The following LRP1B variants were observed in gnomAD, a reference collection of about 807,000 sequenced individuals.
The protein encoded by LRP1B is LDL receptor related protein 1B, also known as low-density lipoprotein receptor-related protein 1B.
LRP1B carries 217 observed loss-of-function variants against 556.6 expected under a neutral mutation model. The ratio of observed to expected loss-of-function variants is 0.39; its 90% CI spans 0.35 to 0.44. LRP1B has a LOEUF of 0.44. Ranked by LOEUF, LRP1B falls within the 20% of genes least tolerant of loss-of-function variation. The probability of loss-of-function intolerance (pLI) is 1.00; values close to 1 mark genes in which losing one functional copy is unlikely to be tolerated. For synonymous variants in LRP1B, 2,047 were observed against 1,865.8 expected, an observed-to-expected ratio of 1.10 and a Z score of -2.50; for missense variants, 5,053 against 5,620.8, an observed-to-expected ratio of 0.90 and a Z score of 3.23.
chr2:140,865,401 T>C (rs559254987), intron 27 of LRP1B, among the ~76,000 whole-genome samples: 2 of 152,166 alleles, frequency 1.3e-5, no homozygotes, highest in Non-Finnish European at 2.9e-5. Flanking sequence ...CATCATGTTA[T>C]TATTCACCAG....
chr2:140,599,628 T>C (rs557802739), intron 42 of LRP1B, among the ~76,000 whole-genome samples: 6 of 152,250 alleles, frequency 3.9e-5, no homozygotes, highest in Admixed American at 3.3e-4. Flanking sequence ...TACTTATAAG[T>C]TGTGACATTT....
At chr2:142,110,959 A>T (rs1706966384) in intron 1 of LRP1B, among the ~76,000 whole-genome samples, 1 of 152,124 alleles carries the variant, frequency 6.6e-6, no homozygotes, top group African/African-American at 2.4e-5. Context: ...GCAACCCTGG[A>T]TTAGGGCACA....
intron 4 of LRP1B, among the ~76,000 whole-genome samples, chr2:141,250,770 G>A (rs1214913300): frequency 6.6e-6 from 1 of 152,004 alleles, no homozygotes; most frequent in East Asian, 1.9e-4. Flanking sequence ...TGTCAGAATT[G>A]GGTTGAATTG....
intron 1 of LRP1B, among the ~76,000 whole-genome samples, chr2:142,042,045 G>A (rs1559038912): frequency 6.6e-6 from 1 of 151,302 alleles, no homozygotes; most frequent in Non-Finnish European, 1.5e-5. Context: ...TGCCACAGAG[G>A]ATTTTGTATT....
chr2:140,251,544 C>A (rs1681415159), intron 86 of LRP1B, among the ~76,000 whole-genome samples: 1 of 151,764 alleles, frequency 6.6e-6, no homozygotes, highest in Non-Finnish European at 1.5e-5. Flanking sequence ...TTCTTCTGAC[C>A]ACAGTGAAAT....
At chr2:141,868,633 C>T (rs1308103875) in intron 1 of LRP1B, among the ~76,000 whole-genome samples, 3 of 152,058 alleles carry the variant, frequency 2.0e-5, no homozygotes, top group Non-Finnish European at 2.9e-5. Flanking sequence ...TCTGTTTTTG[C>T]TATTGAATGG....
At chr2:141,331,504 TTCTTTCTTTCTTTCTTTC>T (rs1308330441) in intron 3 of LRP1B, among the ~76,000 whole-genome samples, 4 of 55,838 alleles carry the variant, frequency 7.2e-5, no homozygotes, top group Admixed American at 1.4e-4. Flanking sequence ...CTTTCTTTCC[TTCTTTCTTTCTTTCTTTC>T]TCTTTCTTTC....
At chr2:141,440,868 CCACA>C (rs1035879532) in intron 3 of LRP1B, among the ~76,000 whole-genome samples, 3 of 152,152 alleles carry the variant, frequency 2.0e-5, no homozygotes, top group African/African-American at 7.2e-5. Context: ...CATCCCTCCA[CCACA>C]CACACGTGGC....
At chr2:141,317,135 G>A (rs913919747) in intron 3 of LRP1B, among the ~76,000 whole-genome samples, 3 of 152,164 alleles carry the variant, frequency 2.0e-5, no homozygotes, top group Non-Finnish European at 2.9e-5. Context: ...ACTAAGCACT[G>A]AGACATTGTA....
intron 27 of LRP1B, among the ~76,000 whole-genome samples, chr2:140,854,954 A>C (rs1468896123): frequency 6.6e-6 from 1 of 152,168 alleles, no homozygotes; most frequent in Non-Finnish European, 1.5e-5. Flanking sequence ...TGCTATAATA[A>C]ATCTTAACAG....
chr2:140,596,586 AG>A (rs1175289308), intron 43 of LRP1B, among the ~76,000 whole-genome samples: 2 of 152,228 alleles, frequency 1.3e-5, no homozygotes, highest in African/African-American at 4.8e-5. Context: ...AACATATTAA[AG>A]ATATGTGAGG....
intron 6 of LRP1B, among the ~76,000 whole-genome samples, chr2:141,220,214 GT>G (rs1265572475): frequency 6.6e-6 from 1 of 152,134 alleles, no homozygotes; most frequent in Non-Finnish European, 1.5e-5. Flanking sequence ...AGAATAACCA[GT>G]TTAGACAGGA....
At chr2:140,910,635 TAACA>T (rs1412123529) in intron 21 of LRP1B, among the ~76,000 whole-genome samples, 1 of 151,812 alleles carries the variant, frequency 6.6e-6, no homozygotes, top group Non-Finnish European at 1.5e-5. Context: ...ATCAATAAGA[TAACA>T]ATCAATCCAA....
At chr2:140,542,000 A>G (rs1323125826) in intron 43 of LRP1B, 29 bp from the exon 44 acceptor site, 1 of 1,512,402 alleles carries the variant, frequency 6.6e-7, no homozygotes, top group Non-Finnish European at 9.1e-7. Flanking sequence ...CTGTATTTTT[A>G]TGATGAATAT....
chr2:140,968,451 A>G (rs1007558269), intron 18 of LRP1B, among the ~76,000 whole-genome samples: 10 of 148,352 alleles, frequency 6.7e-5, no homozygotes, highest in African/African-American at 2.2e-4. Flanking sequence ...TGGTCTATCA[A>G]TTTTGTTGAT....
At chr2:140,581,953 C>T (rs939463788) in intron 43 of LRP1B, among the ~76,000 whole-genome samples, 2 of 152,062 alleles carry the variant, frequency 1.3e-5, no homozygotes, top group Non-Finnish European at 2.9e-5. Flanking sequence ...CGTGTATCCC[C>T]TAATATCGGT....
chr2:141,791,279 G>A (rs867654736), intron 2 of LRP1B, among the ~76,000 whole-genome samples: 5 of 151,904 alleles, frequency 3.3e-5, no homozygotes, highest in African/African-American at 1.2e-4. Context: ...ATATAGATGA[G>A]TACAGTATTT....
rs1437370282 is a variant in LRP1B, at chr2:141,529,948, C to A, written c.206-49415G>T. 3.3e-5 allele frequency among the ~76,000 whole-genome samples: 5 copies of A among 152,180 alleles called. No individual in the cohort carries two copies. The East Asian group carries it at 9.7e-4, about 29-fold the overall frequency. ...TAATTTCAAAACTACTGCATAAGATCTCATGCAATTTTCTGTGAAAAATAA... is the reference window on the plus strand; with the variant it reads ...TAATTTCAAAACTACTGCATAAGATATCATGCAATTTTCTGTGAAAAATAA... On this transcript the variant is annotated intron_variant, in intron 2 of 90. Coordinates refer to ENST00000389484, the MANE Select transcript of LRP1B (RefSeq NM_018557.3).
intron 3 of LRP1B, among the ~76,000 whole-genome samples, chr2:141,298,618 T>A (rs956561281): frequency 6.6e-6 from 1 of 152,092 alleles, no homozygotes; most frequent in African/African-American, 2.4e-5. Context: ...CCTGTGCATC[T>A]TTTCCTTTGC....
Sources: gnomAD v4.1 joint callset for allele counts (sites outside exome capture counted in the v4.1 genomes callset) on GRCh38, gnomAD v4.1.1 for gene constraint, MANE v1.5 for transcripts, NCBI Gene and HGNC (gene_info 2026-07-23, HGNC 2026-07-21) for gene names.